Variants in CAND2 observed in about 807,000 individuals in gnomAD.
CAND2 encodes cullin associated and neddylation dissociated 2 (putative), also known as cullin-associated NEDD8-dissociated protein 2.
Under a neutral mutation model 98.9 loss-of-function variants are expected in CAND2, and 62 were observed. That is an observed-to-expected ratio of 0.63 (90% CI 0.51 to 0.77). The LOEUF is 0.77. CAND2 is among the 30% of genes least tolerant of loss of function. CAND2 has a pLI of 0.00. For synonymous variants in CAND2, 770 were observed against 731.9 expected (o/e 1.05, Z -0.84); for missense variants, 1,501 against 1,655.2 (o/e 0.91, Z 1.62).
At chr3:12,826,937 TCTC>T (rs200872594) in intron 12 of CAND2, among the ~76,000 whole-genome samples, 4,640 of 151,138 alleles carry the variant, frequency 0.031, 192 homozygotes, top group African/African-American at 0.095. Flanking sequence ...TTCAAGCAAT[TCTC>T]CTGCCTCAGC....
At chr3:12,825,882 A>G (rs761378163) in intron 12 of CAND2, among the ~76,000 whole-genome samples, 13 of 152,148 alleles carry the variant, frequency 8.5e-5, no homozygotes, top group South Asian at 6.2e-4. Flanking sequence ...TGCTGCAACA[A>G]TTTGGTGAGT....
chr3:12,819,631 T>C (rs1322263881), intron 10 of CAND2, among the ~76,000 whole-genome samples: 1 of 152,216 alleles, frequency 6.6e-6, no homozygotes, highest in Non-Finnish European at 1.5e-5. Flanking sequence ...GGATCTGCTG[T>C]GTGGCCCTAG....
At chr3:12,823,709 G>A (rs972985575) in intron 11 of CAND2, among the ~76,000 whole-genome samples, 10 of 147,848 alleles carry the variant, frequency 6.8e-5, no homozygotes, top group African/African-American at 2.5e-4. Flanking sequence ...CAGTCTGGGC[G>A]ACAGAGCGAG....
At chr3:12,812,910 T>C (rs1426931491) in intron 5 of CAND2, 80 bp from the exon 6 acceptor site, 1 of 847,378 alleles carries the variant, frequency 1.2e-6, no homozygotes, top group South Asian at 1.5e-5. Context: ...TGCAGGTGCA[T>C]AGACAGTCTG....
rs575679232 is a variant in CAND2 at position 12,802,082 on chromosome 3, T to C, written c.69-1406T>C. 2.7e-4 allele frequency among the ~76,000 whole-genome samples: 41 copies of C among 152,214 alleles called. No homozygotes were observed. The South Asian group carries it at 8.1e-3, about 30-fold the overall frequency. On this transcript the variant is annotated intron_variant, in intron 1 of 14. Coordinates refer to ENST00000456430, the MANE Select transcript of CAND2 (RefSeq NM_001162499.2). ...GTGGCTCACGCCTGTAATCCTAGCA[T>C]TTTGGGAGGCCGAGGTGGGCGGATC...
intron 11 of CAND2, 87 bp from the exon 12 acceptor site, chr3:12,825,383 C>T (rs1459682461): frequency 1.5e-6 from 2 of 1,337,508 alleles, no homozygotes; most frequent in Admixed American, 2.2e-5. Flanking sequence ...TCTGCACGTG[C>T]ACAGTAACCA....
chr3:12,810,614 A>C (rs898426144), intron 5 of CAND2, among the ~76,000 whole-genome samples: 1 of 152,246 alleles, frequency 6.6e-6, no homozygotes, highest in African/African-American at 2.4e-5. Context: ...TGCTGAGTGC[A>C]GACGGTTCAG....
rs1037856742 is a variant in CAND2, at chr3:12,803,021, T to G, written c.69-467T>G. Among the ~76,000 whole-genome samples, 14 of 142,076 alleles carry G rather than the reference T, an allele frequency of 9.9e-5. No individual in the cohort carries two copies. The Admixed American group carries it at 1.0e-3, about 10-fold the overall frequency. 93.2% of individuals were successfully genotyped at this position (142,076 alleles called of 152,430 possible). A position where few individuals can be genotyped will look rare whatever the true frequency, so the allele number is the denominator to read the frequency against. On this transcript the variant is annotated intron_variant, in intron 1 of 14. Transcript: ENST00000456430. ...TTTTTTTTTTTGGAGACGGAGTCTC[T>G]CTCTGTCGCCCAGGCTGGAGTACAG...
chr3:12,816,809 C>T lies in CAND2; in HGVS notation c.1877C>T (p.Thr626Ile), dbSNP rs375315535. Residue 626 changes from threonine to isoleucine, a missense_variant, in exon 10 of 15, where the codon ACC (threonine) becomes ATC (isoleucine). Physicochemically the swap from Thr to Ile is moderately conservative, Grantham distance 89. This residue lies in a region of CAND2 where 1,427 missense variants were observed against 1,545.3 expected (regional missense o/e 0.92). Coordinates refer to ENST00000456430, the MANE Select transcript of CAND2 (RefSeq NM_001162499.2). ...LLLDRLRNEITRLPAIKALTL... is the reference protein window; with the variant it reads ...LLLDRLRNEIIRLPAIKALTL... ...CTGGACCGCCTGCGGAATGAGATCA[C>T]CCGGCTGCCCGCCATCAAGGCGCTT... is the stretch of plus-strand genomic sequence containing the variant. 141 of 1,613,544 alleles carry T rather than the reference C, an allele frequency of 8.7e-5. No individual in the cohort carries two copies. Among genetic ancestry groups the T allele is most frequent in the Non-Finnish European group, 1.2e-4 (139 of 1,180,044 alleles).
intron 3 of CAND2, among the ~76,000 whole-genome samples, chr3:12,807,760 A>G (rs1388469910): frequency 6.6e-6 from 1 of 152,180 alleles, no homozygotes; most frequent in Non-Finnish European, 1.5e-5. Context: ...TTTTTGTAGC[A>G]GTTCATTTAG....
chr3:12,833,911 G>A lies in CAND2; in HGVS notation c.3640G>A (p.Ala1214Thr), dbSNP rs770349056. Residue 1214 changes from alanine (A) to threonine (T), a missense_variant, in exon 15 of 15, where the codon GCT (alanine) becomes ACT (threonine). This residue lies in a region of CAND2 where 1,427 missense variants were observed against 1,545.3 expected (regional missense o/e 0.92). Transcript: ENST00000456430. ...SSQIRSNPEL[A>T]ALFESIQKDS... Reference sequence around the variant, plus strand: ...CCAAATCAGATCCAACCCTGAACTTGCTGCCCTCTTTGAAAGCATCCAGAA... The same window carrying A: ...CCAAATCAGATCCAACCCTGAACTTACTGCCCTCTTTGAAAGCATCCAGAA... The A allele has an allele frequency of 1.9e-6, 3 of 1,614,202 alleles. No homozygotes were observed. Among genetic ancestry groups the A allele is most frequent in the Non-Finnish European group, 2.5e-6 (3 of 1,180,034 alleles).
intron 11 of CAND2, among the ~76,000 whole-genome samples, chr3:12,822,321 G>C (rs1389485469): frequency 7.1e-6 from 1 of 140,250 alleles, no homozygotes; most frequent in African/African-American, 2.7e-5. Flanking sequence ...TTTTGAGAGA[G>C]TCTCACTCTG....
intron 5 of CAND2, among the ~76,000 whole-genome samples, chr3:12,812,254 C>T (rs1187210357): frequency 1.0e-4 from 6 of 59,350 alleles, no homozygotes; most frequent in African/African-American, 1.5e-4. Context: ...GATAGAATCT[C>T]GCTCTGTCCC....
chr3:12,803,405 C>T lies in CAND2; in HGVS notation c.69-83C>T. Reference sequence around the variant, plus strand: ...CCTCGAATCTTTGTATTAAGGTCTACTTCTAGGGGAACCCTGAGGTACTGC... The same window carrying T: ...CCTCGAATCTTTGTATTAAGGTCTATTTCTAGGGGAACCCTGAGGTACTGC... On this transcript the variant is annotated intron_variant, in intron 1 of 14. Transcript: ENST00000456430. 9 of 1,365,856 alleles carry T rather than the reference C, an allele frequency of 6.6e-6. No individual in the cohort carries two copies. In the South Asian group the frequency reaches 1.2e-4, roughly 18 times the overall value. The allele number at this position is 1,365,856 out of a possible 1,614,324, so 84.6% of individuals were successfully genotyped here.
chr3:12,815,112 G>A lies in CAND2; in HGVS notation c.1007-29G>A. ...CACAGACCTGTCCTGGGAGATGAGG[G>A]TTCCACGTGTGTCTTGTTCCTGCCC... is the stretch of plus-strand genomic sequence containing the variant. On this transcript the variant is annotated intron_variant, in intron 7 of 14. Coordinates refer to ENST00000456430, the MANE Select transcript of CAND2 (RefSeq NM_001162499.2). The surrounding 1 kb of genome is among the most constrained non-coding windows in gnomAD (Gnocchi z 5.7). 1.9e-6 allele frequency: 3 copies of A among 1,581,734 alleles called. No individual in the cohort carries two copies. Among genetic ancestry groups the A allele is most frequent in the Non-Finnish European group, 2.6e-6 (3 of 1,159,754 alleles).
chr3:12,810,388 C>T, intron 5 of CAND2, 64 bp downstream of exon 5: 16 of 1,343,270 alleles, frequency 1.2e-5, no homozygotes, highest in South Asian at 1.7e-5. Flanking sequence ...GAGCCAATGA[C>T]TCGGTAAAGG....
At position 12,820,108 on chromosome 3, in the gene CAND2, C is replaced by T. The variant is rs771745481; in HGVS notation, c.2967C>T (p.Thr989=). 1.9e-6 allele frequency: 3 copies of T among 1,614,130 alleles called. No individual in the cohort carries two copies. The highest frequency in any genetic ancestry group is 4.5e-5 in the East Asian group (2 of 44,878). The change falls in exon 11 of 15, where the codon ACC becomes ACT. Residue 989 remains threonine (T), a synonymous_variant. Transcript: ENST00000456430. ...CAGGTCGGCCACACACCCGGAGCAC[C>T]GTCATCACAGCGGTCAAGTTCCTTA... ...LAAGRPHTRS[T]VITAVKFLIS...
chr3:12,824,910 CAACAA>C (rs903551161), intron 11 of CAND2, among the ~76,000 whole-genome samples: 2 of 151,992 alleles, frequency 1.3e-5, no homozygotes, highest in African/African-American at 2.4e-5. Flanking sequence ...TCTGTCTCAA[CAACAA>C]AACAAAACAA....
chr3:12,803,850 A>G (rs76639057), intron 2 of CAND2, among the ~76,000 whole-genome samples: 20,035 of 152,098 alleles, frequency 0.13, 2,591 homozygotes, highest in African/African-American at 0.34. Context: ...GTAGAGGAGT[A>G]GGGAAGTGAG....
Sources: gnomAD v4.1 joint callset for allele counts (sites outside exome capture counted in the v4.1 genomes callset) on GRCh38, gnomAD v4.1.1 for gene constraint, gnomAD v4.1.1 regional missense constraint, Gnocchi (gnomAD v3.1) non-coding constraint, MANE v1.5 for transcripts, NCBI Gene and HGNC (gene_info 2026-07-23, HGNC 2026-07-21) for gene names.